XYLB: variants seen among roughly 807,000 people sequenced by gnomAD.
The protein encoded by XYLB is xylulokinase, also known as xylulose kinase.
In XYLB, 62 loss-of-function variants were observed where a neutral mutation model predicts 78.7. The observed-to-expected ratio is 0.79, with a 90% CI of 0.64 to 0.97. The LOEUF (loss-of-function observed/expected upper bound fraction) is 0.97. Ranked by LOEUF, XYLB falls within the 50% of genes least tolerant of loss-of-function variation. The pLI, the probability that XYLB is intolerant of heterozygous loss-of-function variation, is 0.00. For synonymous variants in XYLB, 245 were observed against 247.4 expected, an observed-to-expected ratio of 0.99 and a Z score of 0.09; for missense variants, 687 against 676.8, an observed-to-expected ratio of 1.02 and a Z score of -0.17.
chr3:38,380,478 A>C (rs1443922451), intron 15 of XYLB, among the ~76,000 whole-genome samples: 2 of 152,186 alleles, frequency 1.3e-5, no homozygotes, highest in African/African-American at 4.8e-5. Flanking sequence ...TCATTAGAGA[A>C]GATAGTGAAG....
chr3:38,409,235 T>C (rs1455881239), intron 18 of XYLB, among the ~76,000 whole-genome samples: 1 of 152,110 alleles, frequency 6.6e-6, no homozygotes, highest in South Asian at 2.1e-4. Flanking sequence ...GTTCAATATA[T>C]GCAAATCAAT....
chr3:38,417,965 G>A (rs1708852941), downstream of XYLB, among the ~76,000 whole-genome samples: 1 of 151,572 alleles, frequency 6.6e-6, no homozygotes. Flanking sequence ...ACCGAGGTGG[G>A]TGGATCACCT....
chr3:38,362,341 T>C (rs554361062), intron 3 of XYLB, among the ~76,000 whole-genome samples: 1 of 152,288 alleles, frequency 6.6e-6, no homozygotes, highest in East Asian at 1.9e-4. Context: ...TGGGCTCAGG[T>C]ATCCTCCCTC....
intron 2 of XYLB, among the ~76,000 whole-genome samples, chr3:38,357,343 A>G (rs943058760): frequency 4.6e-5 from 7 of 150,722 alleles, no homozygotes; most frequent in African/African-American, 1.7e-4. Flanking sequence ...TGGCTGTACT[A>G]TTTTCCATTC....
intron 12 of XYLB, among the ~76,000 whole-genome samples, chr3:38,375,834 T>C (rs112336855): frequency 0.018 from 2,743 of 152,238 alleles, 77 homozygotes; most frequent in African/African-American, 0.06. Context: ...TGGTAGAATG[T>C]GCAGAAACCC....
chr3:38,374,565 A>G, intron 11 of XYLB, 63 bp downstream of exon 11: 3 of 1,608,514 alleles, frequency 1.9e-6, no homozygotes, highest in South Asian at 2.2e-5. Flanking sequence ...ACACTCTGAT[A>G]AGTAGCAGAG....
chr3:38,360,592 C>A (rs887790800), intron 3 of XYLB, among the ~76,000 whole-genome samples, 184 bp downstream of exon 3: 5 of 152,152 alleles, frequency 3.3e-5, no homozygotes, highest in African/African-American at 9.7e-5. Context: ...GTCAACACTC[C>A]CAGGCTCAGA....
chr3:38,395,077 G>A (rs1351868369), intron 15 of XYLB, among the ~76,000 whole-genome samples: 1 of 152,168 alleles, frequency 6.6e-6, no homozygotes, highest in African/African-American at 2.4e-5. Flanking sequence ...GAATGTGAGG[G>A]GGGACTACTT....
At chr3:38,351,195 A>G (rs1705345189) in intron 2 of XYLB, among the ~76,000 whole-genome samples, 1 of 149,350 alleles carries the variant, frequency 6.7e-6, no homozygotes, top group Non-Finnish European at 1.5e-5. Context: ...AAAAAAAAAA[A>G]AAAAGGAAGT....
chr3:38,432,862 AT>A, the XYLB span, among the ~76,000 whole-genome samples: 1 of 152,008 alleles, frequency 6.6e-6, no homozygotes, highest in African/African-American at 2.4e-5. Flanking sequence ...GAGTGTCTGC[AT>A]TTTTTCCAGG....
intron 18 of XYLB, among the ~76,000 whole-genome samples, chr3:38,401,493 C>T (rs1403838716): frequency 1.3e-5 from 2 of 152,104 alleles, no homozygotes; most frequent in East Asian, 1.9e-4. Context: ...GAATCCACAA[C>T]TGCAGAAAGG....
chr3:38,422,267 A>G (rs1253747703), downstream of XYLB, among the ~76,000 whole-genome samples: 1 of 152,176 alleles, frequency 6.6e-6, no homozygotes, highest in Non-Finnish European at 1.5e-5. Flanking sequence ...TCAAATTGTT[A>G]TATCTACTTC....
chr3:38,373,091 C>T (rs552440806), intron 10 of XYLB, among the ~76,000 whole-genome samples: 3 of 152,312 alleles, frequency 2.0e-5, no homozygotes, highest in East Asian at 3.9e-4. Context: ...ATGAATAGCT[C>T]AATTCCTCCA....
chr3:38,422,689 G>A (rs1157437402), downstream of XYLB, among the ~76,000 whole-genome samples: 2 of 152,066 alleles, frequency 1.3e-5, no homozygotes, highest in South Asian at 2.1e-4. Context: ...ATTTATGGGG[G>A]AGAGATTTAT....
At chr3:38,409,654 A>G (rs1295608789) in intron 18 of XYLB, among the ~76,000 whole-genome samples, 2 of 152,244 alleles carry the variant, frequency 1.3e-5, no homozygotes, top group Non-Finnish European at 2.9e-5. Context: ...TCTCAGCACA[A>G]AATCTCCTAA....
chr3:38,427,084 A>G, the XYLB span, among the ~76,000 whole-genome samples: 2 of 152,236 alleles, frequency 1.3e-5, no homozygotes, highest in East Asian at 1.9e-4. Context: ...TATAGAAGCA[A>G]TGCTTATCAC....
At chr3:38,406,548 C>T (rs1364778197) in intron 18 of XYLB, among the ~76,000 whole-genome samples, 16 of 152,298 alleles carry the variant, frequency 1.1e-4, no homozygotes, top group Middle Eastern at 3.4e-3. Context: ...ATGACTTTGA[C>T]GAGTTGAGAG....
At chr3:38,412,354 C>T (rs1000803454) in intron 18 of XYLB, among the ~76,000 whole-genome samples, 11 of 152,164 alleles carry the variant, frequency 7.2e-5, no homozygotes, top group African/African-American at 2.4e-4. Context: ...CTCTCCTGGA[C>T]AGCTGTGTGA....
intron 10 of XYLB, 65 bp downstream of exon 10, chr3:38,372,801 A>G: frequency 6.4e-7 from 1 of 1,550,942 alleles, no homozygotes; most frequent in South Asian, 1.1e-5. Flanking sequence ...ATGTTTGAGA[A>G]TTCCAGTCCA....
Sources: allele counts gnomAD v4.1 joint callset (sites outside exome capture counted in the v4.1 genomes callset), GRCh38; gene constraint gnomAD v4.1.1; transcripts MANE v1.5; gene names NCBI Gene and HGNC (gene_info 2026-07-23, HGNC 2026-07-21).